DGKB: variants seen among roughly 807,000 people sequenced by gnomAD.
The protein encoded by DGKB is 90 kDa diacylglycerol kinase.
A neutral mutation model predicts 114.3 loss-of-function variants in DGKB; 67 were observed. The observed-to-expected ratio is 0.59, with a 90% confidence interval of 0.48 to 0.72. The LOEUF is 0.72. Among genes scored for constraint, DGKB ranks in the 30% least tolerant of loss-of-function variants. The pLI is 0.00. For synonymous variants in DGKB, 398 were observed against 323.1 expected (o/e 1.23, Z -2.49); for missense variants, 907 against 975.2 (o/e 0.93, Z 0.93).
Position 14,630,233 on chromosome 7 carries a change from C to T in DGKB, c.1167+3G>A, listed in dbSNP as rs779215903. 7 of 1,548,986 alleles carry T rather than the reference C, an allele frequency of 4.5e-6. No homozygotes were observed. The highest frequency in any genetic ancestry group is 5.2e-6 in the Non-Finnish European group (6 of 1,146,712). Reference sequence around the variant, plus strand: ...GTGTGAAAACCTGTTTTTGCTTACGCACCTCAGGAACTGAAACTCCTGAAG... The same window carrying T: ...GTGTGAAAACCTGTTTTTGCTTACGTACCTCAGGAACTGAAACTCCTGAAG... On this transcript the variant is annotated splice_donor_region_variant and intron_variant, in intron 14 of 25. Transcript: ENST00000402815.
chr7:14,876,001 T>A (rs1019862331), intron 1 of DGKB, among the ~76,000 whole-genome samples: 2 of 152,116 alleles, frequency 1.3e-5, no homozygotes, highest in African/African-American at 4.8e-5. Context: ...AATAAGACCT[T>A]TATCACTATC....
At chr7:14,798,467 A>G (rs1016418024) in intron 2 of DGKB, among the ~76,000 whole-genome samples, 1 of 151,934 alleles carries the variant, frequency 6.6e-6, no homozygotes, top group African/African-American at 2.4e-5. Flanking sequence ...GAGTTCTTAT[A>G]TTTTGTAAAC....
chr7:14,555,969 A>G (rs58487384), intron 20 of DGKB, among the ~76,000 whole-genome samples: 245 of 152,346 alleles, frequency 1.6e-3, no homozygotes, highest in African/African-American at 5.4e-3. Flanking sequence ...TGCTCTGTCT[A>G]TGGAGTAGCC....
At chr7:14,960,432 C>G (rs1054258822) in intron 1 of DGKB, among the ~76,000 whole-genome samples, 1 of 151,530 alleles carries the variant, frequency 6.6e-6, no homozygotes, top group South Asian at 2.1e-4. Flanking sequence ...TACAGGCAAT[C>G]CTCTGACTTT....
intron 2 of DGKB, among the ~76,000 whole-genome samples, chr7:14,799,903 A>G (rs927378249): frequency 2.0e-5 from 3 of 151,914 alleles, no homozygotes; most frequent in Non-Finnish European, 4.4e-5. Context: ...GGGCCTGCAT[A>G]TAATTATTCT....
chr7:14,576,558 C>CGT (rs961028207), intron 19 of DGKB, among the ~76,000 whole-genome samples: 1 of 151,678 alleles, frequency 6.6e-6, no homozygotes, highest in Non-Finnish European at 1.5e-5. Flanking sequence ...ATAGGAGTAT[C>CGT]GTGTGTGTGT....
intron 1 of DGKB, among the ~76,000 whole-genome samples, chr7:14,937,551 T>G (rs766298371): frequency 6.6e-6 from 1 of 152,190 alleles, no homozygotes; most frequent in African/African-American, 2.4e-5. Flanking sequence ...TAAAGCATCA[T>G]TGCTAATATT....
intron 4 of DGKB, among the ~76,000 whole-genome samples, chr7:14,744,601 T>A (rs1240398772): frequency 6.6e-6 from 1 of 152,212 alleles, no homozygotes; most frequent in Non-Finnish European, 1.5e-5. Context: ...TATCTGAGAT[T>A]CCTTATGGAA....
intron 12 of DGKB, among the ~76,000 whole-genome samples, chr7:14,677,022 T>G (rs765784875): frequency 1.5e-4 from 23 of 151,974 alleles, no homozygotes; most frequent in Non-Finnish European, 3.1e-4. Flanking sequence ...AGAAACCAGC[T>G]TTTCCTGGAA....
At chr7:14,618,145 C>A (rs554828903) in intron 15 of DGKB, among the ~76,000 whole-genome samples, 54 of 151,522 alleles carry the variant, frequency 3.6e-4, no homozygotes, top group South Asian at 2.3e-3. Flanking sequence ...CACACGTACA[C>A]ACACATACAT....
At chr7:14,684,093 G>A (rs1054963650) in intron 10 of DGKB, among the ~76,000 whole-genome samples, 1 of 152,038 alleles carries the variant, frequency 6.6e-6, no homozygotes, top group African/African-American at 2.4e-5. Context: ...ACTTTCAAAC[G>A]TAGCTGTCAG....
intron 20 of DGKB, among the ~76,000 whole-genome samples, chr7:14,492,508 G>C (rs1012085175): frequency 4.3e-4 from 66 of 152,186 alleles, no homozygotes; most frequent in African/African-American, 1.5e-3. Flanking sequence ...ATTTTGGATT[G>C]TTTGAAGAAA....
intron 20 of DGKB, among the ~76,000 whole-genome samples, chr7:14,479,440 G>A (rs1461297642): frequency 1.3e-5 from 2 of 151,948 alleles, no homozygotes; most frequent in African/African-American, 2.4e-5. Flanking sequence ...TCAAGTAATT[G>A]AATGAATCCA....
intron 1 of DGKB, among the ~76,000 whole-genome samples, chr7:14,899,776 G>C (rs1419538898): frequency 1.3e-5 from 2 of 152,068 alleles, no homozygotes; most frequent in Non-Finnish European, 2.9e-5. Flanking sequence ...ATCAGAGAAG[G>C]AAGATCTCTC....
intron 21 of DGKB, among the ~76,000 whole-genome samples, chr7:14,476,417 C>T (rs1480820542): frequency 1.3e-5 from 2 of 152,016 alleles, no homozygotes; most frequent in Non-Finnish European, 2.9e-5. Context: ...ACTTATAGTG[C>T]AAAATTTTAA....
At chr7:14,298,538 A>G (rs961768327) in intron 23 of DGKB, among the ~76,000 whole-genome samples, 3 of 152,088 alleles carry the variant, frequency 2.0e-5, no homozygotes, top group Admixed American at 2.0e-4. Context: ...TTCTTTACAC[A>G]TTATACAAAA....
chr7:14,877,034 T>C (rs572990062), intron 1 of DGKB, among the ~76,000 whole-genome samples: 74 of 152,322 alleles, frequency 4.9e-4, no homozygotes, highest in Non-Finnish European at 7.3e-4. Context: ...GAAGAAGCAC[T>C]AAATATGTGG....
chr7:14,956,506 TG>T (rs775961241), intron 1 of DGKB, among the ~76,000 whole-genome samples: 3 of 152,066 alleles, frequency 2.0e-5, no homozygotes, highest in Non-Finnish European at 4.4e-5. Flanking sequence ...AATTTACTAA[TG>T]GGCTCATATC....
chr7:14,546,394 T>C (rs940569316), intron 20 of DGKB, among the ~76,000 whole-genome samples: 2 of 152,174 alleles, frequency 1.3e-5, no homozygotes, highest in Non-Finnish European at 2.9e-5. Context: ...ATCTCTCCTC[T>C]TCTTTCGCGT....
Sources: allele counts gnomAD v4.1 joint callset (sites outside exome capture counted in the v4.1 genomes callset), GRCh38; gene constraint gnomAD v4.1.1; transcripts MANE v1.5; gene names NCBI Gene and HGNC (gene_info 2026-07-23, HGNC 2026-07-21).